CCDC3: variants seen among roughly 807,000 people sequenced by gnomAD.
CCDC3 encodes coiled-coil domain containing 3.
In CCDC3, 24 loss-of-function variants were observed where a neutral mutation model predicts 21.4. The observed-to-expected ratio is 1.12, with a 90% confidence interval of 0.81 to 1.58. The LOEUF is 1.58. Among genes scored for constraint, CCDC3 ranks in the 40% most tolerant of loss-of-function variants. The probability of loss-of-function intolerance (pLI) is 0.00; values close to 1 mark genes in which losing one functional copy is unlikely to be tolerated. For missense variants in CCDC3, 425 were observed against 360.9 expected, an observed-to-expected ratio of 1.18 and a Z score of -1.44; for synonymous variants, 186 against 166.0, an observed-to-expected ratio of 1.12 and a Z score of -0.93.
chr10:13,020,222 G>A (rs1056901859), intron 5 of CCDC3, among the ~76,000 whole-genome samples: 33 of 152,284 alleles, frequency 2.2e-4, no homozygotes, highest in South Asian at 6.2e-4. Flanking sequence ...GGCATGAGTG[G>A]CGATGGTTTA....
In CCDC3 at chr10:12,956,977, T is replaced by C. The variant is rs138061597; in HGVS notation, c.549+41361A>G. Among the ~76,000 whole-genome samples, 370 of 152,360 alleles carry C rather than the reference T, an allele frequency of 2.4e-3. 2 individuals are homozygous for C. The highest frequency in any genetic ancestry group is 8.2e-3 in the African/African-American group (340 of 41,584). Reference sequence around the variant, plus strand: ...AGAGCATTTTTTGAAACAAAGCTAATTATAAATCCTTTCTCTGTCCCTTAT... The same window carrying C: ...AGAGCATTTTTTGAAACAAAGCTAACTATAAATCCTTTCTCTGTCCCTTAT... On this transcript the variant is annotated intron_variant, in intron 2 of 2. Coordinates refer to ENST00000378825, the MANE Select transcript of CCDC3 (RefSeq NM_031455.4).
chr10:13,091,447 G>A (rs1344660995), intron 3 of CCDC3, among the ~76,000 whole-genome samples: 1 of 152,104 alleles, frequency 6.6e-6, no homozygotes. Context: ...CAGGAGGCAG[G>A]CCCTCACCAG....
chr10:12,937,910 C>T (rs1050843665), intron 2 of CCDC3, among the ~76,000 whole-genome samples: 1 of 152,150 alleles, frequency 6.6e-6, no homozygotes, highest in Admixed American at 6.5e-5. Flanking sequence ...CAGTCATCAC[C>T]CAAGATTTTG....
At position 12,984,286 on chromosome 10, in the gene CCDC3, C is replaced by G. The variant is rs536765149; in HGVS notation, c.549+14052G>C. ...TCCCAAAAGGACACTATGCAAATGC[C>G]CAATAAGCACCGTAAAGATGCTCGA... On this transcript the variant is annotated intron_variant, in intron 2 of 2. Coordinates refer to ENST00000378825, the MANE Select transcript of CCDC3 (RefSeq NM_031455.4). 5.9e-5 allele frequency among the ~76,000 whole-genome samples: 9 copies of G among 152,242 alleles called. No individual in the cohort carries two copies. In the South Asian group the frequency reaches 1.7e-3, roughly 28 times the overall value.
At chr10:13,054,556 G>A (rs950126698) in intron 4 of CCDC3, among the ~76,000 whole-genome samples, 1 of 152,090 alleles carries the variant, frequency 6.6e-6, no homozygotes, top group Non-Finnish European at 1.5e-5. Context: ...CTCAGTCATA[G>A]GTGTCAAAAG....
rs181965252 is a variant in CCDC3, at chr10:13,098,785, C to T, written c.-580-183G>A. Among the ~76,000 whole-genome samples, 593 of 131,366 alleles carry T rather than the reference C, an allele frequency of 4.5e-3. 1 individual carries two copies. The highest frequency in any genetic ancestry group is 6.4e-3 in the Non-Finnish European group (419 of 65,222). The allele number at this position is 131,366 out of a possible 152,430, so 86.2% of individuals were successfully genotyped here. A position where few individuals can be genotyped will look rare whatever the true frequency, so the allele number is the denominator to read the frequency against. ...AGGCTGGAGTGCAGTGGCATGATCT[C>T]GGCTCGCTGCAAGCTCTGCCTCCCG... On this transcript the variant is annotated intron_variant, in intron 2 of 6. Transcript: ENST00000378839.
At chr10:13,050,963 AT>A (rs922308605) in intron 4 of CCDC3, among the ~76,000 whole-genome samples, 30 of 151,478 alleles carry the variant, frequency 2.0e-4, no homozygotes, top group East Asian at 3.9e-4. Flanking sequence ...ATTTAAAAAA[AT>A]TTTTTTTGTA....
At chr10:13,006,776 G>T (rs186128750) in intron 5 of CCDC3, among the ~76,000 whole-genome samples, 16 of 152,204 alleles carry the variant, frequency 1.1e-4, no homozygotes, top group African/African-American at 3.6e-4. Flanking sequence ...CAGTCAAAAG[G>T]CTCTGTGTCT....
At chr10:13,065,081 AC>A (rs1279723259) in intron 4 of CCDC3, among the ~76,000 whole-genome samples, 2 of 152,140 alleles carry the variant, frequency 1.3e-5, no homozygotes, top group Non-Finnish European at 2.9e-5. Context: ...TTTATTTTTC[AC>A]ACATGTAATA....
In CCDC3 at chr10:13,014,449, C is replaced by CA. The variant is rs1192908484; in HGVS notation, c.-1-15938dup. ...TGGGCGACAGAGTGAGACTCTGTCT[C>CA]AAAAAAAAGAAAAAAAAAAAAGAAA... On this transcript the variant is annotated intron_variant, in intron 5 of 6. Transcript: ENST00000378839. Among the ~76,000 whole-genome samples the CA allele has an allele frequency of 9.6e-3, 347 of 36,152 alleles. 2 individuals carry two copies. Among genetic ancestry groups the CA allele is most frequent in the African/African-American group, 0.028 (321 of 11,500 alleles). The allele number at this position is 36,152 out of a possible 152,430, so 23.7% of individuals were successfully genotyped here.
intron 2 of CCDC3, among the ~76,000 whole-genome samples, chr10:12,949,174 C>G (rs60809113): frequency 6.6e-6 from 1 of 152,164 alleles, no homozygotes; most frequent in Non-Finnish European, 1.5e-5. Context: ...CCCTTGTTTC[C>G]TCCTTAGTAA....
At chr10:13,003,120 T>C (rs1022080161), upstream of CCDC3, among the ~76,000 whole-genome samples, 6 of 152,216 alleles carry the variant, frequency 3.9e-5, no homozygotes, top group South Asian at 2.1e-4. Flanking sequence ...GCAGGTGTTC[T>C]GCAGGTTTGC....
intron 2 of CCDC3, among the ~76,000 whole-genome samples, chr10:12,913,684 TA>T (rs1247599826): frequency 9.2e-5 from 14 of 152,272 alleles, no homozygotes; most frequent in Non-Finnish European, 1.5e-4. Flanking sequence ...AGCTTTCAAC[TA>T]TTCACCACGG....
rs1049085309 is a variant in CCDC3 at position 12,936,752 on chromosome 10, T to A, written c.550-38073A>T. Among the ~76,000 whole-genome samples, 7 of 152,180 alleles carry A rather than the reference T, an allele frequency of 4.6e-5. 1 individual carries two copies. The highest frequency in any genetic ancestry group is 6.5e-5 in the Admixed American group (1 of 15,276). On this transcript the variant is annotated intron_variant, in intron 2 of 2. Transcript: ENST00000378825. Reference sequence around the variant, plus strand: ...TGAGGCCCCCATCTGTGCAAAAAAATTTTAGAAACTATTAGCCAGATATGG... The same window carrying A: ...TGAGGCCCCCATCTGTGCAAAAAAAATTTAGAAACTATTAGCCAGATATGG...
chr10:12,985,396 A>C (rs1835571908), intron 2 of CCDC3, among the ~76,000 whole-genome samples: 1 of 152,260 alleles, frequency 6.6e-6, no homozygotes, highest in Non-Finnish European at 1.5e-5. Context: ...AAATAGACTT[A>C]CCATACAACC....
intron 2 of CCDC3, among the ~76,000 whole-genome samples, chr10:12,948,105 G>GA (rs1294608002): frequency 6.6e-6 from 1 of 152,124 alleles, no homozygotes; most frequent in Non-Finnish European, 1.5e-5. Context: ...GAATCATGGG[G>GA]TCAGGTTTTT....
chr10:13,084,076 T>C (rs1837074412), intron 3 of CCDC3, among the ~76,000 whole-genome samples: 2 of 152,226 alleles, frequency 1.3e-5, no homozygotes, highest in Non-Finnish European at 2.9e-5. Context: ...GCTTTAAAGA[T>C]AGTAATATCG....
chr10:13,002,792 A>AGAAACTCTT (rs1835875382), upstream of CCDC3, among the ~76,000 whole-genome samples: 1 of 152,170 alleles, frequency 6.6e-6, no homozygotes, highest in Non-Finnish European at 1.5e-5. Context: ...AGAGTTTTGG[A>AGAAACTCTT]GGCAGGAAGT....
chr10:13,023,043 G>A (rs957929112), intron 5 of CCDC3, among the ~76,000 whole-genome samples: 3 of 149,612 alleles, frequency 2.0e-5, no homozygotes, highest in Non-Finnish European at 3.0e-5. Flanking sequence ...AAACTACTGG[G>A]GAAAAATTAA....
Sources: gnomAD v4.1 joint callset for allele counts (sites outside exome capture counted in the v4.1 genomes callset) on GRCh38, gnomAD v4.1.1 for gene constraint, MANE v1.5 for transcripts, NCBI Gene and HGNC (gene_info 2026-07-23, HGNC 2026-07-21) for gene names.